The following VTI1A variants were observed in gnomAD, a reference collection of about 807,000 sequenced individuals.
VTI1A encodes vesicle transport through interaction with t-SNAREs 1A.
Under a neutral mutation model 34.9 loss-of-function variants are expected in VTI1A, and 22 were observed. The observed-to-expected ratio is 0.63, with a 90% CI of 0.45 to 0.90. The LOEUF is 0.90. Among genes scored for constraint, VTI1A ranks in the 40% least tolerant of loss-of-function variants. The pLI is 0.00. For missense variants in VTI1A, 268 were observed against 275.6 expected (o/e 0.97, Z 0.20); for synonymous variants, 87 against 97.3 (o/e 0.89, Z 0.62).
intron 5 of VTI1A, among the ~76,000 whole-genome samples, chr10:112,616,901 G>A (rs1196385268): frequency 1.3e-5 from 2 of 152,156 alleles, no homozygotes; most frequent in African/African-American, 4.8e-5. Context: ...CAAGAGAGGT[G>A]TTGAGACATG....
At chr10:112,667,342 C>T (rs1173561273) in intron 5 of VTI1A, among the ~76,000 whole-genome samples, 1 of 151,928 alleles carries the variant, frequency 6.6e-6, no homozygotes, top group African/African-American at 2.4e-5. Flanking sequence ...AAGGCACCTC[C>T]CAGGTAATGG....
intron 5 of VTI1A, among the ~76,000 whole-genome samples, chr10:112,626,543 A>T (rs751720415): frequency 6.6e-6 from 1 of 152,106 alleles, no homozygotes; most frequent in African/African-American, 2.4e-5. Context: ...TGTGTCCCTA[A>T]AAGTGCTTAG....
At chr10:112,753,980 G>A (rs1851192391) in intron 7 of VTI1A, among the ~76,000 whole-genome samples, 1 of 152,186 alleles carries the variant, frequency 6.6e-6, no homozygotes, top group Non-Finnish European at 1.5e-5. Flanking sequence ...TCAGGATTGT[G>A]GAGCCAGGAA....
chr10:112,706,962 T>G (rs1336005710), intron 7 of VTI1A, among the ~76,000 whole-genome samples: 1 of 152,148 alleles, frequency 6.6e-6, no homozygotes, highest in East Asian at 1.9e-4. Context: ...ATTTTTGTTT[T>G]TTAACACAAA....
chr10:112,691,242 C>T (rs2133880150), intron 7 of VTI1A, among the ~76,000 whole-genome samples: 1 of 149,466 alleles, frequency 6.7e-6, no homozygotes, highest in South Asian at 2.1e-4. Context: ...GCCTGGGCAA[C>T]AGAATGAGAC....
intron 7 of VTI1A, among the ~76,000 whole-genome samples, chr10:112,789,012 C>G (rs189464444): frequency 6.6e-6 from 1 of 152,008 alleles, no homozygotes; most frequent in East Asian, 1.9e-4. Context: ...TGATATAAAC[C>G]CAACAATACA....
At chr10:112,580,137 G>A (rs1278903627) in intron 5 of VTI1A, among the ~76,000 whole-genome samples, 1 of 152,166 alleles carries the variant, frequency 6.6e-6, no homozygotes. Flanking sequence ...CCAGCATGAA[G>A]GAACCTCATT....
At chr10:112,524,979 G>A (rs1850168470) in intron 3 of VTI1A, among the ~76,000 whole-genome samples, 1 of 152,162 alleles carries the variant, frequency 6.6e-6, no homozygotes, top group South Asian at 2.1e-4. Context: ...ATTGTATTAA[G>A]GCCATGAAGT....
chr10:112,558,504 G>A (rs1190895034), intron 5 of VTI1A, among the ~76,000 whole-genome samples: 1 of 152,164 alleles, frequency 6.6e-6, no homozygotes, highest in African/African-American at 2.4e-5. Flanking sequence ...CAGCTAAATA[G>A]CCTCTAATGC....
intron 5 of VTI1A, among the ~76,000 whole-genome samples, chr10:112,595,443 A>G (rs953800974): frequency 1.2e-4 from 19 of 152,144 alleles, no homozygotes; most frequent in African/African-American, 4.3e-4. Flanking sequence ...AGAATCTACA[A>G]TGCACTCAAA....
At position 112,662,766 on chromosome 10, in the gene VTI1A, G is replaced by T. The variant is rs76116918; in HGVS notation, c.428-5452G>T. 9.4e-3 allele frequency among the ~76,000 whole-genome samples: 1,432 copies of T among 152,068 alleles called. 29 individuals carry two copies. Among genetic ancestry groups the T allele is most frequent in the African/African-American group, 0.033 (1,354 of 41,480 alleles). On this transcript the variant is annotated intron_variant, in intron 5 of 7. Transcript: ENST00000393077. ...GGGAATCTGAAATATAACATCCTGG[G>T]TTTGTTTTTTTCCGAAAACATTTGA... is the stretch of plus-strand genomic sequence containing the variant.
At chr10:112,566,928 T>C (rs934554635) in intron 5 of VTI1A, among the ~76,000 whole-genome samples, 27 of 152,192 alleles carry the variant, frequency 1.8e-4, no homozygotes, top group African/African-American at 5.8e-4. Flanking sequence ...AATTTGGACA[T>C]AGTATCTGAG....
intron 5 of VTI1A, among the ~76,000 whole-genome samples, chr10:112,549,768 T>C (rs982013734): frequency 1.3e-5 from 2 of 152,196 alleles, no homozygotes; most frequent in Non-Finnish European, 2.9e-5. Context: ...TTTAAAAGTC[T>C]GTCCAGTTCA....
In VTI1A at chr10:112,799,002, G is replaced by A. The variant is rs575059612; in HGVS notation, c.561-16288G>A. On this transcript the variant is annotated intron_variant, in intron 7 of 7. Transcript: ENST00000393077. ...GCCCTGATCTCTGCTTATGCTTCTC[G>A]TGAGAGTCCATGAGGCGCGCACAGG... Among the ~76,000 whole-genome samples the A allele has an allele frequency of 5.9e-5, 9 of 152,282 alleles. 1 individual carries two copies. In the East Asian group the frequency reaches 7.7e-4, roughly 13 times the overall value.
chr10:112,618,506 T>TAGAG (rs1452998530), intron 5 of VTI1A, among the ~76,000 whole-genome samples: 85 of 33,586 alleles, frequency 2.5e-3, no homozygotes, highest in Admixed American at 4.1e-3. Flanking sequence ...TATATATATA[T>TAGAG]ATATATATAT....
At chr10:112,734,429 T>C (rs981602608) in intron 7 of VTI1A, among the ~76,000 whole-genome samples, 4 of 152,144 alleles carry the variant, frequency 2.6e-5, no homozygotes, top group African/African-American at 9.7e-5. Flanking sequence ...AATCCTGCGT[T>C]TTACCTTCTC....
At chr10:112,798,180 G>A (rs1470693325) in intron 7 of VTI1A, among the ~76,000 whole-genome samples, 1 of 152,140 alleles carries the variant, frequency 6.6e-6, no homozygotes, top group African/African-American at 2.4e-5. Flanking sequence ...TGTGCAGGTG[G>A]GACCCTCAGG....
intron 7 of VTI1A, among the ~76,000 whole-genome samples, chr10:112,758,227 C>T (rs1851352830): frequency 6.6e-6 from 1 of 152,062 alleles, no homozygotes; most frequent in South Asian, 2.1e-4. Flanking sequence ...GTAGTAGAGT[C>T]TTTTAGAGTC....
intron 5 of VTI1A, among the ~76,000 whole-genome samples, chr10:112,606,555 A>G (rs1428258273): frequency 1.3e-5 from 2 of 152,180 alleles, no homozygotes; most frequent in Admixed American, 1.3e-4. Flanking sequence ...CCCCATCACA[A>G]CTTTCTCATT....
Sources: allele counts gnomAD v4.1 joint callset (sites outside exome capture counted in the v4.1 genomes callset), GRCh38; gene constraint gnomAD v4.1.1; transcripts MANE v1.5; gene names NCBI Gene and HGNC (gene_info 2026-07-23, HGNC 2026-07-21).